Variants in CDH7 observed in about 807,000 individuals in gnomAD.
CDH7 encodes the protein cadherin 7, also known as cadherin-7.
Under a neutral mutation model 71.8 loss-of-function variants are expected in CDH7, and 25 were observed. The observed-to-expected ratio is 0.35, with a 90% CI of 0.25 to 0.49. The LOEUF is 0.49. Among genes scored for constraint, CDH7 ranks in the 20% least tolerant of loss-of-function variants. The pLI, the probability that CDH7 is intolerant of heterozygous loss-of-function variation, is 0.99. For missense variants in CDH7, 862 were observed against 974.6 expected (o/e 0.88, Z 1.54); for synonymous variants, 381 against 363.8 (o/e 1.05, Z -0.54).
chr18:65,872,558 C>G (rs1383634809), intron 11 of CDH7, among the ~76,000 whole-genome samples: 1 of 151,988 alleles, frequency 6.6e-6, no homozygotes, highest in Non-Finnish European at 1.5e-5. Flanking sequence ...ATGGTTATTT[C>G]TGATCCATCT....
At chr18:65,775,594 G>A (rs1267214259) in intron 2 of CDH7, among the ~76,000 whole-genome samples, 3 of 152,126 alleles carry the variant, frequency 2.0e-5, no homozygotes, top group African/African-American at 7.2e-5. Flanking sequence ...CTTGGACCAC[G>A]TTGAAAGAAG....
At chr18:65,767,601 A>T (rs1194247582) in intron 2 of CDH7, among the ~76,000 whole-genome samples, 2 of 152,120 alleles carry the variant, frequency 1.3e-5, no homozygotes, top group Non-Finnish European at 2.9e-5. Flanking sequence ...AAGACAGTTT[A>T]TTTTTTCTAG....
chr18:65,846,305 C>T (rs7231721), intron 7 of CDH7, among the ~76,000 whole-genome samples: 135,695 of 152,040 alleles, frequency 0.89, 62,610 homozygotes, highest in East Asian at 1. Flanking sequence ...AAAGAGTACC[C>T]ACCCAGCACC....
In CDH7 at chr18:65,849,221, T is replaced by C. The variant is rs538574725; in HGVS notation, c.1235+5156T>C. 1.2e-3 allele frequency among the ~76,000 whole-genome samples: 176 copies of C among 152,244 alleles called. 1 individual carries two copies. Among genetic ancestry groups the C allele is most frequent in the African/African-American group, 4.0e-3 (165 of 41,536 alleles). On this transcript the variant is annotated intron_variant, in intron 7 of 11. Coordinates refer to ENST00000397968, the MANE Select transcript of CDH7 (RefSeq NM_004361.5). ...CACTAAAAATGAAAAAAAGAAAGTA[T>C]ATGTTCATGTATGGTGAAAACATAG...
chr18:65,811,012 A>C (rs1040225653), intron 3 of CDH7, among the ~76,000 whole-genome samples: 1 of 152,136 alleles, frequency 6.6e-6, no homozygotes, highest in Admixed American at 6.6e-5. Context: ...GTTTACAGCA[A>C]GTATGTAATT....
intron 2 of CDH7, among the ~76,000 whole-genome samples, chr18:65,777,367 G>A (rs1909984501): frequency 6.6e-6 from 1 of 151,914 alleles, no homozygotes; most frequent in African/African-American, 2.4e-5. Flanking sequence ...AAAGTTTCTT[G>A]ATAAAATGCA....
intron 2 of CDH7, among the ~76,000 whole-genome samples, chr18:65,776,681 C>T (rs190901454): frequency 2.0e-5 from 3 of 152,200 alleles, no homozygotes; most frequent in Admixed American, 6.5e-5. Context: ...ATTGAATCAT[C>T]GAATTCATTG....
In CDH7 at chr18:65,885,893, A is replaced by G. The variant is rs1914363992; in HGVS notation, c.*4999A>G. ...AAGGTAAGGATTTTGGTGGCTAAGG[A>G]AAGAACATTTAGCTGTTATTTGTGT... On this transcript the variant is annotated 3_prime_UTR_variant, in exon 12 of 12. Coordinates refer to ENST00000397968, the MANE Select transcript of CDH7 (RefSeq NM_004361.5). 1 of 152,218 alleles carries G rather than the reference A, an allele frequency of 6.6e-6. No homozygotes were observed. The highest frequency in any genetic ancestry group is 1.5e-5 in the Non-Finnish European group (1 of 68,036). The allele number at this position is 152,218 out of a possible 1,614,324, so 9.4% of individuals were successfully genotyped here.
chr18:65,828,073 A>C (rs189702601), intron 6 of CDH7, among the ~76,000 whole-genome samples: 1 of 151,828 alleles, frequency 6.6e-6, no homozygotes, highest in Admixed American at 6.6e-5. Context: ...TGGGAAAATT[A>C]ACTAGTATAC....
At chr18:65,848,942 G>T (rs970194845) in intron 7 of CDH7, among the ~76,000 whole-genome samples, 9 of 151,980 alleles carry the variant, frequency 5.9e-5, no homozygotes, top group Non-Finnish European at 1.2e-4. Flanking sequence ...AACATATTTG[G>T]GGTGTTTGAA....
rs1285096860 is a variant in CDH7 at position 65,884,337 on chromosome 18, T to A, written c.*3443T>A. On this transcript the variant is annotated 3_prime_UTR_variant, in exon 12 of 12. Coordinates refer to ENST00000397968, the MANE Select transcript of CDH7 (RefSeq NM_004361.5). ...TAGGTAGTAATTTGCAGGCAATAAG[T>A]AGATTTTTGATTTTTCTACAAGCAA... is the stretch of plus-strand genomic sequence containing the variant. 1 of 151,938 alleles carries A rather than the reference T, an allele frequency of 6.6e-6. No individual in the cohort carries two copies. The highest frequency in any genetic ancestry group is 2.4e-5 in the African/African-American group (1 of 41,366). The allele number at this position is 151,938 out of a possible 1,614,324, so 9.4% of individuals were successfully genotyped here.
In CDH7 at chr18:65,846,682, C is replaced by T. The variant is rs376406705; in HGVS notation, c.1235+2617C>T. Among the ~76,000 whole-genome samples the T allele has an allele frequency of 2.8e-3, 428 of 152,250 alleles. 4 individuals are homozygous for T. The highest frequency in any genetic ancestry group is 9.5e-3 in the African/African-American group (396 of 41,548). On this transcript the variant is annotated intron_variant, in intron 7 of 11. Coordinates refer to ENST00000397968, the MANE Select transcript of CDH7 (RefSeq NM_004361.5). ...ATTTGTTGCATATGCATTACTCTCA[C>T]GCATTCTCTGGAAGACTGGTTCCCT...
intron 2 of CDH7, among the ~76,000 whole-genome samples, chr18:65,807,130 A>C (rs1911354071): frequency 1.3e-5 from 2 of 152,016 alleles, no homozygotes; most frequent in African/African-American, 2.4e-5. Context: ...CGGCTGGGGC[A>C]TGGGTAGGTA....
At chr18:65,869,534 C>T (rs1212213592) in intron 11 of CDH7, among the ~76,000 whole-genome samples, 2 of 141,306 alleles carry the variant, frequency 1.4e-5, no homozygotes, top group African/African-American at 2.6e-5. Context: ...CCATAATCTA[C>T]AAGTGGGTCA....
chr18:65,769,001 G>A (rs1197432299), intron 2 of CDH7, among the ~76,000 whole-genome samples: 1 of 151,412 alleles, frequency 6.6e-6, no homozygotes, highest in African/African-American at 2.4e-5. Flanking sequence ...CTAGATAGAA[G>A]CATTAAAAAA....
At chr18:65,782,018 C>CTT in intron 2 of CDH7, among the ~76,000 whole-genome samples, 2 of 93,062 alleles carry the variant, frequency 2.1e-5, no homozygotes, top group Non-Finnish European at 4.0e-5. Context: ...CTCTTTCTCT[C>CTT]TCTCTTTCTC....
At chr18:65,857,243 G>A (rs1395599748) in intron 7 of CDH7, among the ~76,000 whole-genome samples, 3 of 150,890 alleles carry the variant, frequency 2.0e-5, no homozygotes, top group African/African-American at 4.9e-5. Flanking sequence ...AGCATATTAG[G>A]AGTCTGAGAT....
intron 4 of CDH7, among the ~76,000 whole-genome samples, chr18:65,821,503 G>A (rs1177925520): frequency 4.6e-5 from 7 of 152,090 alleles, no homozygotes; most frequent in African/African-American, 1.7e-4. Flanking sequence ...TAGAATAAAT[G>A]AGTAATGTCA....
At chr18:65,854,495 A>G (rs1913278483) in intron 7 of CDH7, among the ~76,000 whole-genome samples, 1 of 136,288 alleles carries the variant, frequency 7.3e-6, no homozygotes, top group African/African-American at 2.5e-5. Context: ...TTAGCATATT[A>G]AATAAATTCT....
Sources: gnomAD v4.1 joint callset for allele counts (sites outside exome capture counted in the v4.1 genomes callset) on GRCh38, gnomAD v4.1.1 for gene constraint, MANE v1.5 for transcripts, NCBI Gene and HGNC (gene_info 2026-07-23, HGNC 2026-07-21) for gene names.